Variants in PCDHGB6 observed in about 807,000 individuals in gnomAD.
The protein encoded by PCDHGB6 is protocadherin gamma subfamily B, 6.
PCDHGB6 carries 51 observed loss-of-function variants against 59.1 expected under a neutral mutation model. The ratio of observed to expected loss-of-function variants is 0.86; its 90% CI spans 0.69 to 1.09. PCDHGB6 has a LOEUF of 1.09. Ranked by LOEUF, PCDHGB6 falls within the 50% of genes least tolerant of loss-of-function variation. The pLI is 0.00. For missense variants in PCDHGB6, 1,148 were observed against 1,205.1 expected, an observed-to-expected ratio of 0.95 and a Z score of 0.70; for synonymous variants, 466 against 495.1, an observed-to-expected ratio of 0.94 and a Z score of 0.78.
At chr5:141,442,629 A>G (rs959326665) in intron 1 of PCDHGB6, among the ~76,000 whole-genome samples, 2 of 152,248 alleles carry the variant, frequency 1.3e-5, no homozygotes, top group African/African-American at 4.8e-5. Context: ...TTCTAGCAGC[A>G]AGACCAAAGG....
intron 1 of PCDHGB6, among the ~76,000 whole-genome samples, chr5:141,480,151 C>T (rs543997143): frequency 1.3e-5 from 2 of 152,162 alleles, no homozygotes; most frequent in African/African-American, 4.8e-5. Context: ...TTAGCCAGCT[C>T]CTAGCATTTT....
rs550977374 is a variant in PCDHGB6, at chr5:141,447,118, G to A, written c.2418+36498G>A. 9.2e-5 allele frequency among the ~76,000 whole-genome samples: 14 copies of A among 151,984 alleles called. No individual in the cohort carries two copies. The East Asian group carries it at 2.7e-3, about 29-fold the overall frequency. ...TTCACATGATTATATGTGCTCCATGGATTTTTTTGTTTGTTTGTTTTTTGT... is the reference window on the plus strand; with the variant it reads ...TTCACATGATTATATGTGCTCCATGAATTTTTTTGTTTGTTTGTTTTTTGT... On this transcript the variant is annotated intron_variant, in intron 1 of 3. Transcript: ENST00000520790.
In PCDHGB6 at chr5:141,476,585, G is replaced by C; in HGVS notation, c.2419-18222G>C. 6.2e-7 allele frequency: 1 copy of C among 1,614,214 alleles called. No homozygotes were observed. The highest frequency in any genetic ancestry group is 8.5e-7 in the Non-Finnish European group (1 of 1,180,040). On this transcript the variant is annotated intron_variant, in intron 1 of 3. Coordinates refer to ENST00000520790, the MANE Select transcript of PCDHGB6 (RefSeq NM_018926.3). The surrounding 1 kb of genome is among the most constrained non-coding windows in gnomAD (Gnocchi z 7.6). ...GGCTCCGGGGACGCGCTTTCCGCTC[G>C]AGAGCGCGCACGATCCCGATGTGGG...
intron 1 of PCDHGB6, among the ~76,000 whole-genome samples, chr5:141,455,732 A>G (rs1056074268): frequency 6.6e-6 from 1 of 152,190 alleles, no homozygotes; most frequent in Non-Finnish European, 1.5e-5. Context: ...CTGCATTTGC[A>G]TATCAAAGGT....
In PCDHGB6 at chr5:141,490,262, G is replaced by A; in HGVS notation, c.2419-4545G>A. 1.2e-6 allele frequency: 2 copies of A among 1,614,206 alleles called. No homozygotes were observed. Among genetic ancestry groups the A allele is most frequent in the South Asian group, 1.1e-5 (1 of 91,086 alleles). On this transcript the variant is annotated intron_variant, in intron 1 of 3. Transcript: ENST00000520790. The surrounding 1 kb of genome is among the most constrained non-coding windows in gnomAD (Gnocchi z 5.4). ...CACTGTGTGATTCAAGTGGATGTGGGGGATGTCAATGACAATGCCCCAGAG... is the reference window on the plus strand; with the variant it reads ...CACTGTGTGATTCAAGTGGATGTGGAGGATGTCAATGACAATGCCCCAGAG...
In PCDHGB6 at chr5:141,511,351, C is replaced by A. The variant is rs1190324197; in HGVS notation, c.*178C>A. 11 of 1,386,432 alleles carry A rather than the reference C, an allele frequency of 7.9e-6. No individual in the cohort carries two copies. Among genetic ancestry groups the A allele is most frequent in the South Asian group, 4.5e-5 (3 of 67,158 alleles). The allele number at this position is 1,386,432 out of a possible 1,614,324, so 85.9% of individuals were successfully genotyped here. On this transcript the variant is annotated 3_prime_UTR_variant, in exon 4 of 4. Transcript: ENST00000520790. ...CCAGTCAGCACCTACCCCTTCCCCC[C>A]CAGGGGGTTGAATATGCAAAAGCAG...
At chr5:141,478,519 G>A in intron 1 of PCDHGB6, 2 of 1,610,728 alleles carry the variant, frequency 1.2e-6, no homozygotes, top group Non-Finnish European at 1.7e-6. Context: ...GGCAGGTGTT[G>A]GGTGCAGAGA....
intron 1 of PCDHGB6, among the ~76,000 whole-genome samples, chr5:141,458,988 C>G (rs996478276): frequency 6.6e-6 from 1 of 152,208 alleles, no homozygotes; most frequent in African/African-American, 2.4e-5. Flanking sequence ...CTGCCTCACC[C>G]TCCCAAAGTG....
chr5:141,414,752 A>G (rs1339630983), intron 1 of PCDHGB6: 9 of 1,614,110 alleles, frequency 5.6e-6, no homozygotes, highest in Non-Finnish European at 7.6e-6. Flanking sequence ...TCCTTCGACT[A>G]TGAGCAGTTT....
chr5:141,455,037 C>T (rs1251627513), intron 1 of PCDHGB6, among the ~76,000 whole-genome samples: 1 of 151,744 alleles, frequency 6.6e-6, no homozygotes, highest in Non-Finnish European at 1.5e-5. Flanking sequence ...TGGTCTCGAT[C>T]TCCTGACCTC....
At chr5:141,427,156 T>G (rs533425641) in intron 1 of PCDHGB6, 10 of 456,890 alleles carry the variant, frequency 2.2e-5, no homozygotes, top group African/African-American at 2.0e-4. Flanking sequence ...AATATGTTTG[T>G]GCTAGACCAT....
intron 1 of PCDHGB6, among the ~76,000 whole-genome samples, chr5:141,456,625 C>T (rs544550965): frequency 4.6e-5 from 7 of 152,288 alleles, no homozygotes; most frequent in African/African-American, 1.4e-4. Flanking sequence ...AGATTTGCCT[C>T]TTCTTTACTA....
At position 141,476,902 on chromosome 5, in the gene PCDHGB6, C is replaced by T. The variant is rs1399250599; in HGVS notation, c.2419-17905C>T. ...TGGAGGATGCACCCTCCGGCACGCG[C>T]GTGGTACAAGTCCTTGCAACGGATC... On this transcript the variant is annotated intron_variant, in intron 1 of 3. Transcript: ENST00000520790. This position sits in a 1 kb window ranked among gnomAD's most constrained non-coding sequence, Gnocchi z 7.6. 2 of 1,613,998 alleles carry T rather than the reference C, an allele frequency of 1.2e-6. No individual in the cohort carries two copies. The highest frequency in any genetic ancestry group is 1.7e-6 in the Non-Finnish European group (2 of 1,180,034).
chr5:141,506,740 T>C (rs1006665092), intron 3 of PCDHGB6, among the ~76,000 whole-genome samples: 2 of 152,104 alleles, frequency 1.3e-5, no homozygotes, highest in African/African-American at 2.4e-5. Context: ...ATAATGCCTA[T>C]TAATAAAGAC....
In PCDHGB6 at chr5:141,408,993, T is replaced by G. The variant is rs1258002192; in HGVS notation, c.791T>G (p.Val264Gly). The G allele has an allele frequency of 1.2e-6, 2 of 1,613,814 alleles. No homozygotes were observed. The highest frequency in any genetic ancestry group is 2.7e-5 in the African/African-American group (2 of 74,912). The change falls in exon 1 of 4, where the codon GTG (valine) becomes GGG (glycine). Residue 264 changes from valine to glycine, a missense_variant. By Grantham distance (109) the Val-to-Gly change is moderately radical. Around this residue, in one of 5 missense-constraint regions of PCDHGB6, gnomAD observed 4 missense variants for 16.4 expected, o/e 0.24. Transcript: ENST00000520790. The part of the protein sequence containing the change: ...NLPPGSPVLQ[V>G]TATDQDEGVN... Reference sequence around the variant, plus strand: ...CCCCCTGGGTCCCCTGTGTTGCAAGTGACAGCCACTGACCAGGATGAGGGG... The same window carrying G: ...CCCCCTGGGTCCCCTGTGTTGCAAGGGACAGCCACTGACCAGGATGAGGGG...
rs776854254 is a variant in PCDHGB6 at position 141,487,285 on chromosome 5, C to T, written c.2419-7522C>T. On this transcript the variant is annotated intron_variant, in intron 1 of 3. Coordinates refer to ENST00000520790, the MANE Select transcript of PCDHGB6 (RefSeq NM_018926.3). This position sits in a 1 kb window ranked among gnomAD's most constrained non-coding sequence, Gnocchi z 5.0. The stretch of plus-strand genomic sequence containing the variant: ...CCCTAGTGGCAATTTGCTTTGTCTC[C>T]TTTGGCTCATTCGTGGCACTACTCT... 8 of 1,614,148 alleles carry T rather than the reference C, an allele frequency of 5.0e-6. No homozygotes were observed. The highest frequency in any genetic ancestry group is 6.8e-6 in the Non-Finnish European group (8 of 1,180,036).
rs1259021130 is a variant in PCDHGB6 at position 141,485,083 on chromosome 5, G to C, written c.2419-9724G>C. ...GCGCCAGAGCTGGCGCGGGGAAAGG[G>C]AGATAGGTGTCTCCAGCTGCTGTGG... On this transcript the variant is annotated intron_variant, in intron 1 of 3. Coordinates refer to ENST00000520790, the MANE Select transcript of PCDHGB6 (RefSeq NM_018926.3). The surrounding 1 kb of genome is among the most constrained non-coding windows in gnomAD (Gnocchi z 5.7). The C allele has an allele frequency of 1.0e-6, 1 of 989,386 alleles. No homozygotes were observed. The highest frequency in any genetic ancestry group is 1.6e-5 in the African/African-American group (1 of 61,992). 61.3% of individuals were successfully genotyped at this position (989,386 alleles called of 1,614,324 possible).
chr5:141,455,632 TG>T (rs1394377963), intron 1 of PCDHGB6, among the ~76,000 whole-genome samples: 1 of 151,924 alleles, frequency 6.6e-6, no homozygotes, highest in African/African-American at 2.4e-5. Flanking sequence ...TGGAGATATG[TG>T]GGGGGCAGCC....
intron 1 of PCDHGB6, among the ~76,000 whole-genome samples, chr5:141,492,641 G>A (rs2099742804): frequency 6.6e-6 from 1 of 152,226 alleles, no homozygotes; most frequent in African/African-American, 2.4e-5. Flanking sequence ...ACGATCCTTG[G>A]GCCAGAGGTC....
Sources: allele counts gnomAD v4.1 joint callset (sites outside exome capture counted in the v4.1 genomes callset), GRCh38; gene constraint gnomAD v4.1.1; regional missense constraint gnomAD v4.1.1; non-coding constraint Gnocchi (gnomAD v3.1); transcripts MANE v1.5; gene names NCBI Gene and HGNC (gene_info 2026-07-23, HGNC 2026-07-21).